NUP133: variants seen among roughly 807,000 people sequenced by gnomAD.
NUP133 encodes nuclear pore complex protein Nup133.
In NUP133, 66 loss-of-function variants were observed where a neutral mutation model predicts 146.2. The ratio of observed to expected loss-of-function variants is 0.45; its 90% CI spans 0.37 to 0.55. The LOEUF (loss-of-function observed/expected upper bound fraction) is 0.55, where lower values mean the gene tolerates loss of function less well. Ranked by LOEUF, NUP133 falls within the 20% of genes least tolerant of loss-of-function variation. The pLI is 0.00. For missense variants in NUP133, 1,277 were observed against 1,374.8 expected, an observed-to-expected ratio of 0.93 and a Z score of 1.12; for synonymous variants, 521 against 498.8, an observed-to-expected ratio of 1.04 and a Z score of -0.59.
Position 229,495,483 on chromosome 1 carries a change from T to C in NUP133, c.1046+12A>G, listed in dbSNP as rs200209701. 7.5e-6 allele frequency: 12 copies of C among 1,592,918 alleles called. No homozygotes were observed. In the East Asian group the frequency reaches 2.7e-4, roughly 36 times the overall value. On this transcript the variant is annotated intron_variant, in intron 8 of 25. Coordinates refer to ENST00000261396, the MANE Select transcript of NUP133 (RefSeq NM_018230.3). ...TCTTCTCTATGTTCTTTACGACAAA[T>C]TAATTGCTTACCAGTTTTGCTTCAA...
chr1:229,458,149 A>T lies in NUP133; in HGVS notation c.2980+12T>A, dbSNP rs1660609307. 6.2e-7 allele frequency: 1 copy of T among 1,606,972 alleles called. No individual in the cohort carries two copies. Among genetic ancestry groups the T allele is most frequent in the Admixed American group, 1.7e-5 (1 of 58,904 alleles). On this transcript the variant is annotated intron_variant, in intron 21 of 25. Transcript: ENST00000261396. Reference sequence around the variant, plus strand: ...GACCAATTTGTAAATCCTTTTGCTCAAATTCTTTCACCTTCAATTTTTTCT... The same window carrying T: ...GACCAATTTGTAAATCCTTTTGCTCTAATTCTTTCACCTTCAATTTTTTCT...
intron 12 of NUP133, among the ~76,000 whole-genome samples, chr1:229,481,133 C>T (rs1661201402): frequency 6.6e-6 from 1 of 152,128 alleles, no homozygotes; most frequent in South Asian, 2.1e-4. Context: ...GTACTTCACC[C>T]ATGTTGGGCA....
At chr1:229,449,886 T>TA (rs1558088617) in intron 23 of NUP133, among the ~76,000 whole-genome samples, 5 of 123,568 alleles carry the variant, frequency 4.0e-5, no homozygotes, top group African/African-American at 6.2e-5. Flanking sequence ...TTTTTTTTTT[T>TA]TTTTTTTTTT....
chr1:229,459,428 C>T (rs1163801785), intron 20 of NUP133, among the ~76,000 whole-genome samples: 1 of 152,138 alleles, frequency 6.6e-6, no homozygotes, highest in Admixed American at 6.6e-5. Flanking sequence ...ACTTCTCCGG[C>T]CCATCTCCCC....
At chr1:229,454,856 G>A (rs1014323791) in intron 21 of NUP133, among the ~76,000 whole-genome samples, 2 of 152,026 alleles carry the variant, frequency 1.3e-5, no homozygotes, top group Admixed American at 6.5e-5. Flanking sequence ...GGCGCTACTA[G>A]TGCAAAAAAT....
chr1:229,496,331 G>T (rs137978676), intron 6 of NUP133, among the ~76,000 whole-genome samples: 1 of 151,912 alleles, frequency 6.6e-6, no homozygotes, highest in Non-Finnish European at 1.5e-5. Flanking sequence ...AAAAGTAGCC[G>T]GGTGTGGTGG....
Position 229,450,583 on chromosome 1 carries a change from C to T in NUP133, c.3122G>A (p.Arg1041Lys), listed in dbSNP as rs1210618351. 1 of 1,573,120 alleles carries T rather than the reference C, an allele frequency of 6.4e-7. No homozygotes were observed. Among genetic ancestry groups the T allele is most frequent in the Non-Finnish European group, 8.7e-7 (1 of 1,148,898 alleles). ...CTTGAAATCATATTCATTAGCTCTT[C>T]TATTTTCTTCACAGATATATAGCTA... ...LIGLYICEENRRANEYDFKKA... is the reference protein window; with the variant it reads ...LIGLYICEENKRANEYDFKKA... Residue 1041 changes from arginine to lysine, a missense_variant, in exon 23 of 26, where the codon AGA becomes AAA. Physicochemically the swap from Arg to Lys is conservative, Grantham distance 26 (BLOSUM62 2). Around this residue, in one of 3 missense-constraint regions of NUP133, gnomAD observed 952 missense variants for 1,047.0 expected, o/e 0.91. Transcript: ENST00000261396.
chr1:229,492,398 C>T (rs114833266), intron 8 of NUP133, among the ~76,000 whole-genome samples: 4,107 of 152,178 alleles, frequency 0.027, 179 homozygotes, highest in African/African-American at 0.091. Context: ...CGAGCCACTG[C>T]GCCCGGTCCT....
At chr1:229,456,392 C>A (rs922319057) in intron 21 of NUP133, among the ~76,000 whole-genome samples, 3 of 152,054 alleles carry the variant, frequency 2.0e-5, no homozygotes, top group African/African-American at 7.2e-5. Flanking sequence ...TTTCACTGAC[C>A]CTCTCCCTTT....
At chr1:229,505,576 A>G (rs1363112825) in intron 2 of NUP133, among the ~76,000 whole-genome samples, 2 of 147,482 alleles carry the variant, frequency 1.4e-5, no homozygotes, top group Non-Finnish European at 1.5e-5. Flanking sequence ...AAAAAAAAAA[A>G]AAAAAAAAAA....
chr1:229,467,394 G>C (rs1660850301), intron 15 of NUP133, among the ~76,000 whole-genome samples: 1 of 152,146 alleles, frequency 6.6e-6, no homozygotes, highest in Non-Finnish European at 1.5e-5. Flanking sequence ...GAGATAAGAG[G>C]AAAGAAAAAT....
rs374098845 is a variant in NUP133 at position 229,442,015 on chromosome 1, C to T, written c.3360G>A (p.Pro1120=). Residue 1120 remains proline, a synonymous_variant, in exon 26 of 26, where the codon CCG becomes CCA. Transcript: ENST00000261396. ...CCGCTTGTAGCAGGTCTTTCACCTC[C>T]GGTAAGTACTCACTGAGCTGAATGC... ...KDGIQLSEYL[P]EVKDLLQADQ... is the part of the protein sequence containing the mutation. 61 of 1,575,260 alleles carry T rather than the reference C, an allele frequency of 3.9e-5. 1 individual carries two copies. In the South Asian group the frequency reaches 5.4e-4, roughly 14 times the overall value.
At position 229,442,038 on chromosome 1, in the gene NUP133, T is replaced by C; in HGVS notation, c.3337A>G (p.Ile1113Val). 6.4e-7 allele frequency: 1 copy of C among 1,563,060 alleles called. No homozygotes were observed. The highest frequency in any genetic ancestry group is 8.6e-7 in the Non-Finnish European group (1 of 1,164,226). The change falls in exon 26 of 26, where the codon ATT becomes GTT. Residue 1113 changes from isoleucine to valine, a missense_variant and splice_region_variant. This residue lies in a region of NUP133 where 952 missense variants were observed against 1,047.0 expected (regional missense o/e 0.91). Coordinates refer to ENST00000261396, the MANE Select transcript of NUP133 (RefSeq NM_018230.3). Reference protein sequence around the residue: ...KILQKLLKDGIQLSEYLPEVK... With the variant: ...KILQKLLKDGVQLSEYLPEVK... ...TCCGGTAAGTACTCACTGAGCTGAA[T>C]GCCTATAAACACAAACACAAGAAGT...
In NUP133 at chr1:229,508,123, C is replaced by G. The variant is rs542443583; in HGVS notation, c.127G>C (p.Val43Leu). ...SRKGLPLGSA[V>L]SSPVLFSPVG... is the part of the protein sequence containing the mutation. ...GGCGAGAAGAGCACTGGGGAGCTGA[C>G]TGCAGACCCCAGGGGCAGACCCTTC... The change falls in exon 1 of 26, where the codon GTC (valine) becomes CTC (leucine). Residue 43 changes from valine (V) to leucine (L), a missense_variant. Physicochemically the swap from Val to Leu is conservative, Grantham distance 32. Coordinates refer to ENST00000261396, the MANE Select transcript of NUP133 (RefSeq NM_018230.3). 6.3e-7 allele frequency: 1 copy of G among 1,582,290 alleles called. No individual in the cohort carries two copies. Among genetic ancestry groups the G allele is most frequent in the South Asian group, 1.1e-5 (1 of 88,184 alleles).
At chr1:229,484,239 C>T (rs913666218) in intron 11 of NUP133, 94 bp from the exon 12 acceptor site, 14 of 760,380 alleles carry the variant, frequency 1.8e-5, no homozygotes, top group African/African-American at 5.2e-5. Flanking sequence ...ATAGCAACTC[C>T]GCATATACAC....
intron 23 of NUP133, among the ~76,000 whole-genome samples, chr1:229,450,256 C>CA (rs1174941885): frequency 2.0e-5 from 3 of 151,682 alleles, no homozygotes; most frequent in South Asian, 2.1e-4. Context: ...AAATGAAAGA[C>CA]AAAAAAATAT....
chr1:229,449,851 T>TTATATATATATA (rs1444482309), intron 23 of NUP133, among the ~76,000 whole-genome samples: 41 of 67,646 alleles, frequency 6.1e-4, no homozygotes, highest in African/African-American at 1.6e-3. Context: ...TATGAAGATT[T>TTATATATATATA]TATATATATA....
chr1:229,444,940 T>A lies in NUP133; in HGVS notation c.3308A>T (p.Lys1103Met), dbSNP rs754325249. 14 of 1,611,106 alleles carry A rather than the reference T, an allele frequency of 8.7e-6. No homozygotes were observed. Among genetic ancestry groups the A allele is most frequent in the Non-Finnish European group, 2.5e-6 (3 of 1,177,980 alleles). ...ATCTTTTAAAAGTTTCTGTAAGATC[T>A]TCACAAATATACTGTCTTTAGATAC... ...IEVSKDSIFV[K>M]ILQKLLKDGI... The change falls in exon 25 of 26, where the codon AAG becomes ATG. Residue 1103 changes from lysine (K) to methionine (M), a missense_variant. By Grantham distance (95) the Lys-to-Met change is moderately conservative. Coordinates refer to ENST00000261396, the MANE Select transcript of NUP133 (RefSeq NM_018230.3).
intron 14 of NUP133, among the ~76,000 whole-genome samples, chr1:229,471,253 C>T (rs905839505): frequency 1.1e-4 from 17 of 152,158 alleles, no homozygotes; most frequent in African/African-American, 3.4e-4. Context: ...CCAAGCAGCA[C>T]GCCACCACAA....
Sources: allele counts gnomAD v4.1 joint callset (sites outside exome capture counted in the v4.1 genomes callset), GRCh38; gene constraint gnomAD v4.1.1; regional missense constraint gnomAD v4.1.1; transcripts MANE v1.5; gene names NCBI Gene and HGNC (gene_info 2026-07-23, HGNC 2026-07-21).